RTCB: variants seen among roughly 807,000 people sequenced by gnomAD.
The protein encoded by RTCB is RNA-splicing ligase RTCB.
In RTCB, 32 loss-of-function variants were observed where a neutral mutation model predicts 58.2. The ratio of observed to expected loss-of-function variants is 0.55; its 90% CI spans 0.41 to 0.74. The LOEUF (loss-of-function observed/expected upper bound fraction) is 0.74, where lower values mean the gene tolerates loss of function less well. Ranked by LOEUF, RTCB falls within the 30% of genes least tolerant of loss-of-function variation. The probability of loss-of-function intolerance (pLI) is 0.00; values close to 1 mark genes in which losing one functional copy is unlikely to be tolerated. For missense variants in RTCB, 523 were observed against 639.0 expected, an observed-to-expected ratio of 0.82 and a Z score of 1.96; for synonymous variants, 247 against 218.6, an observed-to-expected ratio of 1.13 and a Z score of -1.15.
At chr22:32,404,897 G>A (rs1933395367) in intron 4 of RTCB, among the ~76,000 whole-genome samples, 1 of 151,380 alleles carries the variant, frequency 6.6e-6, no homozygotes, top group Non-Finnish European at 1.5e-5. Context: ...TGTTGCCCCT[G>A]GCTGTTCTCA....
rs777423577 is a variant in RTCB, at chr22:32,408,214, T to C, written c.201A>G (p.Lys67=). The change falls in exon 3 of 12, where the codon AAA becomes AAG. Residue 67 remains lysine, a synonymous_variant. Coordinates refer to ENST00000216038, the MANE Select transcript of RTCB (RefSeq NM_014306.5). ...GGVGGFLPAM[K]QIGNVAALPG... ...GCAGGGCTGCCACATTGCCAATCTG[T>C]TTCATGGCTGGCAGGAAGCCACCAA... is the stretch of plus-strand genomic sequence containing the variant. The C allele has an allele frequency of 4.3e-6, 7 of 1,614,200 alleles. No individual in the cohort carries two copies. Among genetic ancestry groups the C allele is most frequent in the Non-Finnish European group, 5.9e-6 (7 of 1,180,024 alleles).
Position 32,406,666 on chromosome 22 carries a change from G to A in RTCB, c.336C>T (p.Ser112=). 1.9e-6 allele frequency: 3 copies of A among 1,606,870 alleles called. No homozygotes were observed. Among genetic ancestry groups the A allele is most frequent in the South Asian group, 1.1e-5 (1 of 90,934 alleles). The stretch of plus-strand genomic sequence containing the variant: ...AGATGTCCACAGTGATCTTACCTGG[G>A]GATACTACTGCTTCAGGGTCATTCA... ...FDMNDPEAVV[S]PGGVGFDINC... Residue 112 remains serine (S), a synonymous_variant, in exon 4 of 12, where the codon TCC becomes TCT. Coordinates refer to ENST00000216038, the MANE Select transcript of RTCB (RefSeq NM_014306.5).
chr22:32,396,985 G>A (rs755336975), intron 7 of RTCB, among the ~76,000 whole-genome samples: 6 of 152,172 alleles, frequency 3.9e-5, no homozygotes, highest in Non-Finnish European at 8.8e-5. Flanking sequence ...CCAGGCACAA[G>A]TGTTTCTTGT....
At chr22:32,408,305 C>A in intron 2 of RTCB, 63 bp from the exon 3 acceptor site, 1 of 1,370,360 alleles carries the variant, frequency 7.3e-7, no homozygotes, top group South Asian at 1.2e-5. Flanking sequence ...GAATTATATT[C>A]ATGTTTTTAG....
intron 8 of RTCB, among the ~76,000 whole-genome samples, chr22:32,395,739 G>C (rs1933234729): frequency 1.3e-5 from 2 of 152,060 alleles, no homozygotes; most frequent in Non-Finnish European, 2.9e-5. Context: ...CTGTCACCCA[G>C]GCTGGAGTGC....
intron 10 of RTCB, 35 bp from the exon 11 acceptor site, chr22:32,392,394 C>T (rs1265157448): frequency 6.2e-7 from 1 of 1,613,180 alleles, no homozygotes; most frequent in Admixed American, 1.7e-5. Context: ...TACTTTAAAC[C>T]CTAAGATGAT....
intron 11 of RTCB, among the ~76,000 whole-genome samples, chr22:32,389,572 G>C (rs375673318): frequency 4.0e-5 from 6 of 151,816 alleles, no homozygotes; most frequent in African/African-American, 4.8e-5. Context: ...TCAGCCTCCC[G>C]AAAGTGCTGG....
intron 7 of RTCB, 144 bp from the exon 8 acceptor site, chr22:32,396,393 A>C: frequency 1.3e-6 from 1 of 780,782 alleles, no homozygotes. Flanking sequence ...TGTGTTTCTG[A>C]GTTCATCTAT....
chr22:32,390,907 T>C (rs2145888559), intron 11 of RTCB, among the ~76,000 whole-genome samples: 1 of 152,326 alleles, frequency 6.6e-6, no homozygotes, highest in South Asian at 2.1e-4. Context: ...GCACCAAGTC[T>C]GGACAATCAC....
intron 10 of RTCB, among the ~76,000 whole-genome samples, chr22:32,392,761 A>T (rs1448878161): frequency 6.6e-6 from 1 of 152,142 alleles, no homozygotes; most frequent in African/African-American, 2.4e-5. Context: ...AATGAGAAAC[A>T]ATCAGAAAAA....
intron 4 of RTCB, among the ~76,000 whole-genome samples, chr22:32,404,739 C>T (rs553720185): frequency 6.1e-4 from 93 of 152,138 alleles, no homozygotes; most frequent in African/African-American, 2.1e-3. Flanking sequence ...ACTGCAGTGG[C>T]GCAATCTCAG....
intron 4 of RTCB, among the ~76,000 whole-genome samples, chr22:32,406,314 T>C (rs948116915): frequency 1.3e-5 from 2 of 152,040 alleles, no homozygotes; most frequent in African/African-American, 4.8e-5. Context: ...CTATGGTCCA[T>C]AGAGAGAAGC....
chr22:32,390,766 T>A (rs1251467885), intron 11 of RTCB, among the ~76,000 whole-genome samples: 8 of 152,198 alleles, frequency 5.3e-5, no homozygotes, highest in Non-Finnish European at 1.2e-4. Flanking sequence ...CCAAATCTTT[T>A]AAATTAACCA....
rs1386162481 is a variant in RTCB at position 32,408,220 on chromosome 22, G to C, written c.195C>G (p.Ala65=). 6.2e-7 allele frequency: 1 copy of C among 1,614,018 alleles called. No individual in the cohort carries two copies. The highest frequency in any genetic ancestry group is 8.5e-7 in the Non-Finnish European group (1 of 1,180,018). Reference sequence around the variant, plus strand: ...CTGCCACATTGCCAATCTGTTTCATGGCTGGCAGGAAGCCACCAACACCTG... The same window carrying C: ...CTGCCACATTGCCAATCTGTTTCATCGCTGGCAGGAAGCCACCAACACCTG... ...RGGGVGGFLP[A]MKQIGNVAAL... The change falls in exon 3 of 12, where the codon GCC becomes GCG. Residue 65 remains alanine, a synonymous_variant. Transcript: ENST00000216038.
rs1601423234 is a variant in RTCB at position 32,390,551 on chromosome 22, C to T, written c.1410+1689G>A. On this transcript the variant is annotated intron_variant, in intron 11 of 11. Transcript: ENST00000216038. Reference sequence around the variant, plus strand: ...GCAAGCTCCGCCTCCCGCGTTCACGCCGTTCTCCTGCCTCAGCCTCCCGAG... The same window carrying T: ...GCAAGCTCCGCCTCCCGCGTTCACGTCGTTCTCCTGCCTCAGCCTCCCGAG... Among the ~76,000 whole-genome samples, 3 of 152,190 alleles carry T rather than the reference C, an allele frequency of 2.0e-5. No homozygotes were observed. The East Asian group carries it at 5.8e-4, about 29-fold the overall frequency.
intron 11 of RTCB, among the ~76,000 whole-genome samples, chr22:32,389,280 T>TC (rs1203961913): frequency 3.3e-5 from 5 of 152,194 alleles, no homozygotes; most frequent in Non-Finnish European, 5.9e-5. Context: ...GATCCCACTC[T>TC]CACTTGCTGA....
In RTCB at chr22:32,387,681, A is replaced by C. The variant is rs1933081017; in HGVS notation, c.*311T>G. On this transcript the variant is annotated 3_prime_UTR_variant, in exon 12 of 12. Coordinates refer to ENST00000216038, the MANE Select transcript of RTCB (RefSeq NM_014306.5). ...AAGATCAATCTGATGGCTAAAGATC[A>C]GTATGACTGCGTAAGGCAGTTTGAC... is the stretch of plus-strand genomic sequence containing the variant. 2 of 252,416 alleles carry C rather than the reference A, an allele frequency of 7.9e-6. No individual in the cohort carries two copies. Among genetic ancestry groups the C allele is most frequent in the Non-Finnish European group, 1.5e-5 (2 of 130,314 alleles). 15.6% of individuals were successfully genotyped at this position (252,416 alleles called of 1,614,324 possible).
In RTCB at chr22:32,393,895, T is replaced by C; in HGVS notation, c.1287A>G (p.Gly429=). The change falls in exon 10 of 12, where the codon GGA becomes GGG. Residue 429 remains glycine (G), a synonymous_variant. Transcript: ENST00000216038. The stretch of plus-strand genomic sequence containing the variant: ...AGGAAGTTTCTGTTTTCCTTACCGC[T>C]CCATGACAGGTTGTTCCAAAGGTCT... ...MTETFGTTCH[G]AGRALSRAKS... 6.2e-7 allele frequency: 1 copy of C among 1,608,596 alleles called. No homozygotes were observed. Among genetic ancestry groups the C allele is most frequent in the Non-Finnish European group, 8.5e-7 (1 of 1,174,970 alleles).
chr22:32,410,485 A>G (rs866119658), intron 1 of RTCB, among the ~76,000 whole-genome samples: 13 of 152,328 alleles, frequency 8.5e-5, no homozygotes, highest in Middle Eastern at 3.4e-3. Flanking sequence ...TTAGAAGTCA[A>G]TAGCGTTTTA....
Sources: gnomAD v4.1 joint callset for allele counts (sites outside exome capture counted in the v4.1 genomes callset) on GRCh38, gnomAD v4.1.1 for gene constraint, MANE v1.5 for transcripts, NCBI Gene and HGNC (gene_info 2026-07-23, HGNC 2026-07-21) for gene names.